SMARCAL1: variants seen among roughly 807,000 people sequenced by gnomAD.
SMARCAL1 encodes the protein SNF2 related chromatin remodeling annealing helicase 1.
In SMARCAL1, 58 loss-of-function variants were observed where a neutral mutation model predicts 94.5. The observed-to-expected ratio is 0.61, with a 90% CI of 0.50 to 0.76. The LOEUF (loss-of-function observed/expected upper bound fraction) is 0.76. SMARCAL1 is among the 30% of genes least tolerant of loss of function. The probability of loss-of-function intolerance (pLI) is 0.00; values close to 1 mark genes in which losing one functional copy is unlikely to be tolerated. For synonymous variants in SMARCAL1, 422 were observed against 455.1 expected, an observed-to-expected ratio of 0.93 and a Z score of 0.93; for missense variants, 1,051 against 1,177.9, an observed-to-expected ratio of 0.89 and a Z score of 1.58.
intron 3 of SMARCAL1, chr2:216,415,955 A>G (rs1487606250): frequency 9.3e-6 from 4 of 428,122 alleles, no homozygotes; most frequent in African/African-American, 8.1e-5. Flanking sequence ...ATTACTCCTC[A>G]TACTGCTTTG....
At chr2:216,422,286 A>G (rs939897982) in intron 5 of SMARCAL1, among the ~76,000 whole-genome samples, 2 of 152,190 alleles carry the variant, frequency 1.3e-5, no homozygotes, top group South Asian at 4.1e-4. Flanking sequence ...AGGCTGAGGC[A>G]GGAGAATCCC....
rs1182416023 is a variant in SMARCAL1 at position 216,474,128 on chromosome 2, C to CTTTTTTTTTTTTTTT, written c.2245-1126_2245-1112dup. Reference sequence around the variant, plus strand: ...ATTTATATAACATTTGTATAGCATTCTTTTTTTTTTTTTTTTTTTTTTTTT... The same window carrying CTTTTTTTTTTTTTTT: ...ATTTATATAACATTTGTATAGCATTCTTTTTTTTTTTTTTTTTTTTTTTTTTTTTTTTTTTTTTTT... On this transcript the variant is annotated intron_variant, in intron 14 of 17. Coordinates refer to ENST00000357276, the MANE Select transcript of SMARCAL1 (RefSeq NM_014140.4). Among the ~76,000 whole-genome samples the CTTTTTTTTTTTTTTT allele has an allele frequency of 7.1e-4, 46 of 64,926 alleles. 5 individuals are homozygous for CTTTTTTTTTTTTTTT. The highest frequency in any genetic ancestry group is 2.6e-3 in the African/African-American group (44 of 17,188). The allele number at this position is 64,926 out of a possible 152,430, so 42.6% of individuals were successfully genotyped here. A position where few individuals can be genotyped will look rare whatever the true frequency, so the allele number is the denominator to read the frequency against.
intron 8 of SMARCAL1, among the ~76,000 whole-genome samples, chr2:216,435,134 A>G (rs760964391): frequency 1.1e-4 from 17 of 152,042 alleles, no homozygotes; most frequent in Non-Finnish European, 2.1e-4. Flanking sequence ...CTGGGATTAC[A>G]GGTGTGAGCG....
chr2:216,472,232 G>A (rs529164778), intron 14 of SMARCAL1, among the ~76,000 whole-genome samples: 1 of 152,228 alleles, frequency 6.6e-6, no homozygotes, highest in Admixed American at 6.5e-5. Context: ...GTGCATGCCT[G>A]TAATCCCAGC....
chr2:216,428,449 C>T lies in SMARCAL1; in HGVS notation c.1148-147C>T, dbSNP rs77406197. ...TATTTTTCCCATTTGGGTTAATGGT[C>T]CTGACTAGAAGAGATTTCTCCACCC... On this transcript the variant is annotated intron_variant, in intron 6 of 17. Coordinates refer to ENST00000357276, the MANE Select transcript of SMARCAL1 (RefSeq NM_014140.4). 105 of 758,288 alleles carry T rather than the reference C, an allele frequency of 1.4e-4. No homozygotes were observed. The African/African-American group carries it at 1.7e-3, about 12-fold the overall frequency. The allele number at this position is 758,288 out of a possible 1,614,324, so 47.0% of individuals were successfully genotyped here.
At chr2:216,446,647 G>T in intron 10 of SMARCAL1, 1 of 466,110 alleles carries the variant, frequency 2.1e-6, no homozygotes, top group South Asian at 1.5e-5. Flanking sequence ...TAGCTTCCTT[G>T]TGAATTTTTT....
At chr2:216,441,020 T>C (rs1694187256) in intron 10 of SMARCAL1, among the ~76,000 whole-genome samples, 1 of 152,142 alleles carries the variant, frequency 6.6e-6, no homozygotes, top group South Asian at 2.1e-4. Context: ...AATAAGATAG[T>C]TGGGAAAAAG....
intron 5 of SMARCAL1, 125 bp downstream of exon 5, chr2:216,420,657 C>T (rs1392971163): frequency 1.3e-6 from 1 of 762,506 alleles, no homozygotes; most frequent in African/African-American, 1.7e-5. Flanking sequence ...TGTTCTGCTC[C>T]TCTTCCTATA....
chr2:216,481,415 C>CT (rs1333140143), intron 17 of SMARCAL1, among the ~76,000 whole-genome samples: 2 of 152,154 alleles, frequency 1.3e-5, no homozygotes, highest in Non-Finnish European at 2.9e-5. Flanking sequence ...AGGCTGGTCT[C>CT]TAATTCCTGA....
chr2:216,458,722 TATC>T (rs1300306768), intron 12 of SMARCAL1, among the ~76,000 whole-genome samples: 2 of 152,158 alleles, frequency 1.3e-5, no homozygotes, highest in Non-Finnish European at 2.9e-5. Context: ...CCACAGCCAA[TATC>T]ATACTGAATT....
At chr2:216,437,521 A>G (rs1355417363) in intron 9 of SMARCAL1, among the ~76,000 whole-genome samples, 2 of 152,194 alleles carry the variant, frequency 1.3e-5, no homozygotes, top group Non-Finnish European at 2.9e-5. Flanking sequence ...GGGCTGTGCT[A>G]AGGACTTCAC....
At chr2:216,463,357 T>C (rs1694749887) in intron 12 of SMARCAL1, among the ~76,000 whole-genome samples, 1 of 152,146 alleles carries the variant, frequency 6.6e-6, no homozygotes, top group South Asian at 2.1e-4. Context: ...AAGTTCAAGA[T>C]CAAGTGGCCA....
chr2:216,464,468 CA>C, intron 12 of SMARCAL1, 128 bp from the exon 13 acceptor site: 1 of 790,368 alleles, frequency 1.3e-6, no homozygotes. Context: ...TCATTGTCAG[CA>C]CCAGGGTCTC....
chr2:216,416,632 C>A (rs374641926), intron 4 of SMARCAL1, among the ~76,000 whole-genome samples: 1 of 152,216 alleles, frequency 6.6e-6, no homozygotes, highest in Non-Finnish European at 1.5e-5. Flanking sequence ...GAGTCAGTAA[C>A]ACAGGGTCAC....
intron 13 of SMARCAL1, among the ~76,000 whole-genome samples, chr2:216,467,405 A>C (rs1361310838): frequency 1.5e-5 from 2 of 135,592 alleles, no homozygotes; most frequent in East Asian, 4.8e-4. Flanking sequence ...CAGGAGGTGG[A>C]GGTTGCAGTG....
intron 12 of SMARCAL1, among the ~76,000 whole-genome samples, chr2:216,454,401 A>T (rs938677066): frequency 6.6e-6 from 1 of 152,220 alleles, no homozygotes; most frequent in African/African-American, 2.4e-5. Flanking sequence ...TGTGCTGGGC[A>T]TGGTGCTTTA....
rs372137506 is a variant in SMARCAL1, at chr2:216,429,738, CA to C, written c.1334+957del. Among the ~76,000 whole-genome samples, 414 of 151,998 alleles carry C rather than the reference CA, an allele frequency of 2.7e-3. 1 individual carries two copies. The highest frequency in any genetic ancestry group is 9.3e-3 in the African/African-American group (387 of 41,454). On this transcript the variant is annotated intron_variant, in intron 7 of 17. Transcript: ENST00000357276. ...GTGAAAGCTTGGCTACCGTCTCTGG[CA>C]GGATTTGGGTCTCGGTGTGCCGTTT...
intron 10 of SMARCAL1, among the ~76,000 whole-genome samples, chr2:216,443,360 C>CT (rs1042218737): frequency 7.4e-5 from 7 of 94,398 alleles, no homozygotes; most frequent in African/African-American, 3.3e-4. Context: ...GAGTGACACT[C>CT]TGTCTCAAAA....
chr2:216,455,521 G>A (rs1694545742), intron 12 of SMARCAL1, among the ~76,000 whole-genome samples: 1 of 152,180 alleles, frequency 6.6e-6, no homozygotes, highest in South Asian at 2.1e-4. Flanking sequence ...GAACGATCAG[G>A]CAGCAACATC....
Sources: gnomAD v4.1 joint callset for allele counts (sites outside exome capture counted in the v4.1 genomes callset) on GRCh38, gnomAD v4.1.1 for gene constraint, MANE v1.5 for transcripts, NCBI Gene and HGNC (gene_info 2026-07-23, HGNC 2026-07-21) for gene names.